Variants in NR5A2 observed in about 807,000 individuals in gnomAD.
The protein encoded by NR5A2 is CYP7A promoter-binding factor.
A neutral mutation model predicts 62.7 loss-of-function variants in NR5A2; 26 were observed. The ratio of observed to expected loss-of-function variants is 0.41; its 90% CI spans 0.30 to 0.58. The LOEUF (loss-of-function observed/expected upper bound fraction) is 0.58. Among genes scored for constraint, NR5A2 ranks in the 20% least tolerant of loss-of-function variants. The pLI is 0.22. For synonymous variants in NR5A2, 246 were observed against 241.7 expected, an observed-to-expected ratio of 1.02 and a Z score of -0.16; for missense variants, 541 against 669.1, an observed-to-expected ratio of 0.81 and a Z score of 2.11.
intron 5 of NR5A2, among the ~76,000 whole-genome samples, chr1:200,071,208 G>A (rs1490615025): frequency 6.6e-6 from 1 of 152,132 alleles, no homozygotes; most frequent in East Asian, 1.9e-4. Flanking sequence ...TTCAAAGAGA[G>A]GAATTAATAT....
chr1:200,111,387 AT>A (rs1665950381), intron 6 of NR5A2, 66 bp downstream of exon 6: 1 of 1,539,620 alleles, frequency 6.5e-7, no homozygotes, highest in Non-Finnish European at 8.7e-7. Context: ...AATGGCCGGA[AT>A]TTAACTAGGT....
intron 7 of NR5A2, among the ~76,000 whole-genome samples, chr1:200,153,794 AT>A (rs745903055): frequency 6.6e-6 from 1 of 152,140 alleles, no homozygotes; most frequent in Non-Finnish European, 1.5e-5. Context: ...GAGGAAAGGT[AT>A]GGAGGGGGAG....
At position 200,176,148 on chromosome 1, in the gene NR5A2, A is replaced by G. The variant is rs181202557; in HGVS notation, c.*1938A>G. On this transcript the variant is annotated 3_prime_UTR_variant, in exon 8 of 8. Coordinates refer to ENST00000367362, the MANE Select transcript of NR5A2 (RefSeq NM_205860.3). ...TCATCATTCCTACTGTAGTTTATTT[A>G]ATATCTATTGTAAATTATGTGACTT... 6.5e-6 allele frequency: 1 copy of G among 152,730 alleles called. No homozygotes were observed. Among genetic ancestry groups the G allele is most frequent in the African/African-American group, 2.4e-5 (1 of 41,570 alleles). The allele number at this position is 152,730 out of a possible 1,614,324, so 9.5% of individuals were successfully genotyped here. A position where few individuals can be genotyped will look rare whatever the true frequency, so the allele number is the denominator to read the frequency against.
chr1:200,070,443 A>G (rs943403294), intron 5 of NR5A2, among the ~76,000 whole-genome samples: 3 of 152,138 alleles, frequency 2.0e-5, no homozygotes, highest in African/African-American at 7.2e-5. Flanking sequence ...TAATCCCAGC[A>G]CTTTGGGATG....
intron 5 of NR5A2, among the ~76,000 whole-genome samples, chr1:200,102,958 C>A (rs1665454400): frequency 6.6e-6 from 1 of 151,944 alleles, no homozygotes; most frequent in South Asian, 2.1e-4. Flanking sequence ...TTGCTAGGAC[C>A]ATGAACTCTT....
At chr1:200,066,360 G>A (rs1663467949) in intron 5 of NR5A2, among the ~76,000 whole-genome samples, 1 of 150,952 alleles carries the variant, frequency 6.6e-6, no homozygotes, top group Non-Finnish European at 1.5e-5. Context: ...GACCATCTAG[G>A]GGAAAATCCT....
chr1:200,137,826 A>T (rs1667294770), intron 7 of NR5A2, among the ~76,000 whole-genome samples: 1 of 152,278 alleles, frequency 6.6e-6, no homozygotes, highest in Non-Finnish European at 1.5e-5. Context: ...TGCTACAAGA[A>T]ATTATGGGAC....
intron 5 of NR5A2, among the ~76,000 whole-genome samples, chr1:200,101,795 A>G (rs1665383070): frequency 6.6e-6 from 1 of 152,228 alleles, no homozygotes; most frequent in Non-Finnish European, 1.5e-5. Context: ...TGAACTTATC[A>G]TTAGTTTGTA....
chr1:200,109,807 C>G (rs1304923591), intron 5 of NR5A2, among the ~76,000 whole-genome samples: 6 of 152,168 alleles, frequency 3.9e-5, no homozygotes, highest in African/African-American at 1.4e-4. Flanking sequence ...CTCTGTCACC[C>G]AGGCTGGAGT....
intron 5 of NR5A2, among the ~76,000 whole-genome samples, chr1:200,103,332 C>T (rs1665486231): frequency 6.6e-6 from 1 of 151,996 alleles, no homozygotes; most frequent in Non-Finnish European, 1.5e-5. Context: ...ACCATGTTGG[C>T]CAGGCCGGTC....
At chr1:200,161,801 GAATT>G (rs1653656832) in intron 7 of NR5A2, among the ~76,000 whole-genome samples, 1 of 152,172 alleles carries the variant, frequency 6.6e-6, no homozygotes, top group African/African-American at 2.4e-5. Flanking sequence ...TATTTTTATT[GAATT>G]AATTTGCATA....
At chr1:200,171,635 G>T (rs770345110) in intron 7 of NR5A2, among the ~76,000 whole-genome samples, 1 of 152,150 alleles carries the variant, frequency 6.6e-6, no homozygotes, top group Non-Finnish European at 1.5e-5. Flanking sequence ...TGTAACCCCA[G>T]CTACTCAGGT....
chr1:200,145,760 A>T (rs554688797), intron 7 of NR5A2, among the ~76,000 whole-genome samples: 61 of 152,176 alleles, frequency 4.0e-4, no homozygotes, highest in African/African-American at 1.4e-3. Context: ...AGTAGCTGGG[A>T]CTACAGGTGC....
intron 7 of NR5A2, among the ~76,000 whole-genome samples, chr1:200,152,837 T>A (rs951299945): frequency 6.6e-5 from 10 of 152,196 alleles, no homozygotes; most frequent in South Asian, 4.1e-4. Flanking sequence ...GAGAGTTTAA[T>A]GCTCCAAAAG....
chr1:200,055,495 A>G (rs1662874546), intron 5 of NR5A2, among the ~76,000 whole-genome samples: 1 of 152,084 alleles, frequency 6.6e-6, no homozygotes, highest in Non-Finnish European at 1.5e-5. Context: ...AGCCAGCCCT[A>G]CTTTTCTATG....
intron 5 of NR5A2, among the ~76,000 whole-genome samples, chr1:200,108,208 C>A (rs1665783271): frequency 6.6e-6 from 1 of 151,990 alleles, no homozygotes. Flanking sequence ...GTCCTCCCAC[C>A]TCAGCCTCCG....
intron 7 of NR5A2, among the ~76,000 whole-genome samples, chr1:200,158,336 C>T (rs776447683): frequency 1.3e-5 from 2 of 152,008 alleles, no homozygotes; most frequent in African/African-American, 2.4e-5. Flanking sequence ...AAGGTGTTGG[C>T]GGGAGTGAGA....
At position 200,174,294 on chromosome 1, in the gene NR5A2, G is replaced by C; in HGVS notation, c.*84G>C. 7.0e-7 allele frequency: 1 copy of C among 1,423,544 alleles called. No individual in the cohort carries two copies. The highest frequency in any genetic ancestry group is 1.4e-5 in the African/African-American group (1 of 69,836). The allele number at this position is 1,423,544 out of a possible 1,614,324, so 88.2% of individuals were successfully genotyped here. On this transcript the variant is annotated 3_prime_UTR_variant, in exon 8 of 8. Transcript: ENST00000367362. ...GGGAAGAAGAACAGGAAGAAAAAAA[G>C]TACTCTGAACTGCTCCAAGTAACGC...
chr1:200,051,127 T>C (rs563323415), intron 5 of NR5A2, among the ~76,000 whole-genome samples: 140 of 151,986 alleles, frequency 9.2e-4, no homozygotes, highest in African/African-American at 3.2e-3. Context: ...GGGTATAAGG[T>C]AAAAACAACG....
Sources: gnomAD v4.1 joint callset for allele counts (sites outside exome capture counted in the v4.1 genomes callset) on GRCh38, gnomAD v4.1.1 for gene constraint, MANE v1.5 for transcripts, NCBI Gene and HGNC (gene_info 2026-07-23, HGNC 2026-07-21) for gene names.